Variants in TCF7L2 observed in about 807,000 individuals in gnomAD.
TCF7L2 encodes the protein transcription factor 7 like 2.
Under a neutral mutation model 77.9 loss-of-function variants are expected in TCF7L2, and 23 were observed. That is an observed-to-expected ratio of 0.30 (90% CI 0.21 to 0.42). TCF7L2 has a LOEUF of 0.42. Among genes scored for constraint, TCF7L2 ranks in the 10% least tolerant of loss-of-function variants. TCF7L2 has a pLI of 1.00. For missense variants in TCF7L2, 654 were observed against 793.1 expected, an observed-to-expected ratio of 0.82 and a Z score of 2.11; for synonymous variants, 413 against 340.2, an observed-to-expected ratio of 1.21 and a Z score of -2.36.
chr10:113,102,455 C>T (rs142295243), intron 5 of TCF7L2, among the ~76,000 whole-genome samples: 8 of 148,692 alleles, frequency 5.4e-5, no homozygotes, highest in East Asian at 4.0e-4. Flanking sequence ...GACAGAGTCT[C>T]GCTCTGTCGC....
intron 5 of TCF7L2, chr10:113,089,405 C>T (rs746968902): frequency 5.6e-6 from 9 of 1,613,354 alleles, no homozygotes; most frequent in South Asian, 1.1e-5. Context: ...AGCAGAGCCC[C>T]CTCCCTTGCT....
rs553462425 is a variant in TCF7L2, at chr10:113,031,639, C to T, written c.451-8386C>T. Among the ~76,000 whole-genome samples the T allele has an allele frequency of 1.1e-4, 16 of 152,236 alleles. No individual in the cohort carries two copies. In the South Asian group the frequency reaches 3.3e-3, roughly 32 times the overall value. Reference sequence around the variant, plus strand: ...AGTAGCTGGCATAACAGGCGCCTGCCACCACACCCAGCTAATTTTTATATT... The same window carrying T: ...AGTAGCTGGCATAACAGGCGCCTGCTACCACACCCAGCTAATTTTTATATT... On this transcript the variant is annotated intron_variant, in intron 4 of 13. Coordinates refer to ENST00000627217, the MANE Select transcript of TCF7L2 (RefSeq NM_001146274.2).
chr10:113,023,915 C>T (rs879628148), intron 4 of TCF7L2, among the ~76,000 whole-genome samples: 2 of 151,886 alleles, frequency 1.3e-5, no homozygotes, highest in Non-Finnish European at 2.9e-5. Context: ...GCCTCGGCCT[C>T]CCAAAGTGCT....
At chr10:113,125,313 T>C (rs757447899) in intron 5 of TCF7L2, among the ~76,000 whole-genome samples, 2 of 149,980 alleles carry the variant, frequency 1.3e-5, no homozygotes, top group African/African-American at 2.5e-5. Context: ...GAAAAAGATA[T>C]GCCGTCTGCA....
intron 5 of TCF7L2, among the ~76,000 whole-genome samples, chr10:113,053,255 G>A (rs2054782838): frequency 6.6e-6 from 1 of 152,178 alleles, no homozygotes; most frequent in Admixed American, 6.5e-5. Context: ...GGGGGAAATG[G>A]GCTGAGACTC....
intron 4 of TCF7L2, 68 bp from the exon 5 acceptor site, chr10:113,039,957 G>T: frequency 2.2e-6 from 3 of 1,346,130 alleles, no homozygotes; most frequent in Non-Finnish European, 2.1e-6. Context: ...TTATTTCTTG[G>T]GCTAGTTGTT....
intron 4 of TCF7L2, among the ~76,000 whole-genome samples, chr10:113,019,446 G>A (rs1406196533): frequency 6.6e-6 from 1 of 152,170 alleles, no homozygotes; most frequent in Non-Finnish European, 1.5e-5. Flanking sequence ...GACCCTTTGG[G>A]CTTTGCCCTT....
At chr10:113,134,598 G>C (rs1186640363) in intron 5 of TCF7L2, among the ~76,000 whole-genome samples, 2 of 152,312 alleles carry the variant, frequency 1.3e-5, no homozygotes, top group East Asian at 3.9e-4. Flanking sequence ...TTCCCAGCCT[G>C]TCCTCTTCCC....
chr10:113,154,048 G>C (rs1039655437), intron 11 of TCF7L2, among the ~76,000 whole-genome samples: 2 of 152,230 alleles, frequency 1.3e-5, no homozygotes, highest in Non-Finnish European at 2.9e-5. Flanking sequence ...GGGATGGCGC[G>C]TGTGCTCTGC....
intron 5 of TCF7L2, among the ~76,000 whole-genome samples, chr10:113,123,391 A>G (rs2065092273): frequency 6.6e-6 from 1 of 152,226 alleles, no homozygotes; most frequent in Admixed American, 6.5e-5. Context: ...ATCTCAGGTT[A>G]TTTGGAAGTC....
intron 5 of TCF7L2, among the ~76,000 whole-genome samples, chr10:113,078,834 T>C (rs56387395): frequency 3.0e-4 from 45 of 152,014 alleles, no homozygotes; most frequent in African/African-American, 8.9e-4. Context: ...GATTCTTTTT[T>C]TGTTTTTTTT....
intron 13 of TCF7L2, among the ~76,000 whole-genome samples, chr10:113,165,185 G>C (rs913025976): frequency 6.6e-6 from 1 of 152,218 alleles, no homozygotes; most frequent in East Asian, 1.9e-4. Context: ...GAGCTTTTCA[G>C]TTCTTCTCAA....
intron 5 of TCF7L2, among the ~76,000 whole-genome samples, chr10:113,093,308 AC>A (rs1236768638): frequency 4.6e-5 from 7 of 152,212 alleles, no homozygotes; most frequent in Admixed American, 4.6e-4. Context: ...ATAAGATCAC[AC>A]AGCTGAAGGG....
At chr10:113,127,563 G>GTT (rs1564931101) in intron 5 of TCF7L2, among the ~76,000 whole-genome samples, 33 of 151,652 alleles carry the variant, frequency 2.2e-4, no homozygotes, top group African/African-American at 7.3e-4. Context: ...TTTTGTTGTT[G>GTT]TTGTTTTGTT....
intron 8 of TCF7L2, among the ~76,000 whole-genome samples, chr10:113,148,849 G>A (rs908908840): frequency 6.6e-6 from 1 of 152,088 alleles, no homozygotes; most frequent in Non-Finnish European, 1.5e-5. Flanking sequence ...CGTAGGTATG[G>A]GAACTTAGAA....
At chr10:112,987,893 T>A (rs1400755912) in intron 4 of TCF7L2, 2 of 148,200 alleles carry the variant, frequency 1.3e-5, no homozygotes, top group East Asian at 2.0e-4. Flanking sequence ...AAAAAATAAA[T>A]AAATAAATAA....
At chr10:113,042,455 G>A (rs911564863) in intron 5 of TCF7L2, among the ~76,000 whole-genome samples, 8 of 152,242 alleles carry the variant, frequency 5.3e-5, no homozygotes, top group African/African-American at 1.7e-4. Flanking sequence ...TCTGGGAGCC[G>A]GGGAGAAGGG....
At chr10:113,111,038 CTTT>C (rs60667705) in intron 5 of TCF7L2, among the ~76,000 whole-genome samples, 35 of 146,044 alleles carry the variant, frequency 2.4e-4, no homozygotes, top group South Asian at 1.3e-3. Flanking sequence ...TTTGGGATTC[CTTT>C]TTTTTTTTTT....
intron 4 of TCF7L2, among the ~76,000 whole-genome samples, chr10:112,982,487 A>G (rs1322942928): frequency 6.6e-6 from 1 of 152,178 alleles, no homozygotes; most frequent in African/African-American, 2.4e-5. Flanking sequence ...GTTGTTATTA[A>G]AACTCTTGCC....
Sources: gnomAD v4.1 joint callset for allele counts (sites outside exome capture counted in the v4.1 genomes callset) on GRCh38, gnomAD v4.1.1 for gene constraint, MANE v1.5 for transcripts, NCBI Gene and HGNC (gene_info 2026-07-23, HGNC 2026-07-21) for gene names.